The following PLA2R1 variants were observed in gnomAD, a reference collection of about 807,000 sequenced individuals.
PLA2R1 encodes the protein phospholipase A2 receptor 1.
In PLA2R1, 158 loss-of-function variants were observed where a neutral mutation model predicts 195.9. The ratio of observed to expected loss-of-function variants is 0.81; its 90% CI spans 0.71 to 0.92. The LOEUF (loss-of-function observed/expected upper bound fraction) is 0.92, where lower values mean the gene tolerates loss of function less well. Among genes scored for constraint, PLA2R1 ranks in the 40% least tolerant of loss-of-function variants. The probability of loss-of-function intolerance (pLI) is 0.00; values close to 1 mark genes in which losing one functional copy is unlikely to be tolerated. For synonymous variants in PLA2R1, 586 were observed against 598.2 expected (o/e 0.98, Z 0.30); for missense variants, 1,626 against 1,764.6 (o/e 0.92, Z 1.41).
chr2:159,933,012 T>G lies in PLA2R1; in HGVS notation c.*8766A>C, dbSNP rs1686654113. 1 of 140,886 alleles carries G rather than the reference T, an allele frequency of 7.1e-6. No homozygotes were observed. The highest frequency in any genetic ancestry group is 1.6e-5 in the Non-Finnish European group (1 of 63,630). The allele number at this position is 140,886 out of a possible 1,614,324, so 8.7% of individuals were successfully genotyped here. A position where few individuals can be genotyped will look rare whatever the true frequency, so the allele number is the denominator to read the frequency against. On this transcript the variant is annotated 3_prime_UTR_variant, in exon 30 of 30. Coordinates refer to ENST00000283243, the MANE Select transcript of PLA2R1 (RefSeq NM_007366.5). ...AGATCATGATGTCTTTTTTTTTTTT[T>G]GAAGAAAAAAGATGGTATTGCTATT...
intron 11 of PLA2R1, among the ~76,000 whole-genome samples, chr2:160,001,340 A>G (rs899022650): frequency 1.2e-4 from 18 of 152,094 alleles, no homozygotes; most frequent in African/African-American, 4.3e-4. Flanking sequence ...AGGGGAAAGA[A>G]TGAAATGAGA....
intron 14 of PLA2R1, among the ~76,000 whole-genome samples, chr2:159,978,736 G>GA (rs2105284086): frequency 6.6e-6 from 1 of 152,132 alleles, no homozygotes; most frequent in East Asian, 1.9e-4. Flanking sequence ...TTCTTTATCA[G>GA]AAAAATGGAT....
intron 9 of PLA2R1, among the ~76,000 whole-genome samples, chr2:160,014,010 A>T (rs566562473): frequency 1.3e-5 from 2 of 152,262 alleles, no homozygotes; most frequent in East Asian, 3.9e-4. Context: ...ATGAACAAAG[A>T]GAATATATGT....
chr2:160,026,622 A>T (rs1032969783), intron 6 of PLA2R1, among the ~76,000 whole-genome samples: 6 of 152,116 alleles, frequency 3.9e-5, no homozygotes. Context: ...TGGCATTTTT[A>T]CCTTATTTTA....
intron 11 of PLA2R1, among the ~76,000 whole-genome samples, chr2:159,996,120 T>C (rs1006577705): frequency 2.0e-5 from 3 of 152,176 alleles, no homozygotes; most frequent in African/African-American, 4.8e-5. Flanking sequence ...TCATTTATTC[T>C]CTGATGCTCC....
chr2:160,021,218 G>T (rs1693087873), intron 7 of PLA2R1, among the ~76,000 whole-genome samples: 1 of 152,062 alleles, frequency 6.6e-6, no homozygotes, highest in Non-Finnish European at 1.5e-5. Context: ...ACAGTACTGG[G>T]ATTACTCAAA....
Position 160,062,531 on chromosome 2 carries a change from C to G in PLA2R1, c.-128G>C. On this transcript the variant is annotated 5_prime_UTR_variant, in exon 1 of 30. Coordinates refer to ENST00000283243, the MANE Select transcript of PLA2R1 (RefSeq NM_007366.5). ...ATCCGTAGCCTCCTCCGCGCCCCACCCCCTCCGGGGGCCTTGCCAGCCCAG... is the reference window on the plus strand; with the variant it reads ...ATCCGTAGCCTCCTCCGCGCCCCACGCCCTCCGGGGGCCTTGCCAGCCCAG... 5.7e-6 allele frequency: 7 copies of G among 1,237,464 alleles called. No homozygotes were observed. Among genetic ancestry groups the G allele is most frequent in the Non-Finnish European group, 6.9e-6 (7 of 1,007,552 alleles). 76.7% of individuals were successfully genotyped at this position (1,237,464 alleles called of 1,614,324 possible).
Position 159,982,570 on chromosome 2 carries a change from T to C in PLA2R1, c.2183+1358A>G, listed in dbSNP as rs147588553. On this transcript the variant is annotated intron_variant, in intron 13 of 29. Transcript: ENST00000283243. ...GATTGTACATTGTTTTGCAAACATA[T>C]TTGACCATAAAATCTCCTTCCTCCC... 5.7e-3 allele frequency among the ~76,000 whole-genome samples: 866 copies of C among 152,360 alleles called. 6 individuals are homozygous for C. Among genetic ancestry groups the C allele is most frequent in the Non-Finnish European group, 8.9e-3 (606 of 68,032 alleles).
chr2:160,018,657 CAAACAAACA>C (rs1692916410), intron 8 of PLA2R1, among the ~76,000 whole-genome samples: 1 of 151,886 alleles, frequency 6.6e-6, no homozygotes, highest in Non-Finnish European at 1.5e-5. Context: ...AACAAACAAA[CAAACAAACA>C]AACATTGTGG....
At chr2:159,968,282 T>C (rs1386840873) in intron 19 of PLA2R1, among the ~76,000 whole-genome samples, 1 of 151,964 alleles carries the variant, frequency 6.6e-6, no homozygotes, top group Non-Finnish European at 1.5e-5. Context: ...ATAAGGATTA[T>C]AGAATGCATT....
At chr2:160,005,174 G>C (rs1221077075) in intron 11 of PLA2R1, among the ~76,000 whole-genome samples, 1 of 152,210 alleles carries the variant, frequency 6.6e-6, no homozygotes, top group African/African-American at 2.4e-5. Context: ...TGACCATTGG[G>C]CCAGGCAATT....
chr2:159,927,785 C>T (rs1345367449), downstream of PLA2R1, among the ~76,000 whole-genome samples: 2 of 152,218 alleles, frequency 1.3e-5, no homozygotes, highest in Non-Finnish European at 2.9e-5. Flanking sequence ...CTCTTAACCT[C>T]CTCCTTTCTT....
chr2:159,956,534 C>T lies in PLA2R1; in HGVS notation c.2998G>A (p.Ala1000Thr), dbSNP rs765956283. The change falls in exon 21 of 30, where the codon GCC becomes ACC. Residue 1000 changes from alanine to threonine, a missense_variant. By Grantham distance (58) the Ala-to-Thr change is moderately conservative (BLOSUM62 0). Transcript: ENST00000283243. ...FCAEEGGTLV[A>T]IESEVEQAFI... ...CCTTGCTCCACCTCACTTTCAATGG[C>T]GACCAGGGTCCCCCCTTCTTCAGCA... 1.4e-4 allele frequency: 229 copies of T among 1,610,394 alleles called. No individual in the cohort carries two copies. The highest frequency in any genetic ancestry group is 1.8e-4 in the Non-Finnish European group (208 of 1,176,748).
At chr2:159,967,484 CA>C in intron 20 of PLA2R1, 54 bp downstream of exon 20, 1 of 1,485,814 alleles carries the variant, frequency 6.7e-7, no homozygotes, top group Admixed American at 1.9e-5. Flanking sequence ...GAACACTTTC[CA>C]AAATTAGTGT....
At chr2:160,004,163 C>G (rs1342340706) in intron 11 of PLA2R1, among the ~76,000 whole-genome samples, 1 of 152,198 alleles carries the variant, frequency 6.6e-6, no homozygotes, top group South Asian at 2.1e-4. Flanking sequence ...ACTTAGCACA[C>G]TTCTCTATAA....
chr2:159,960,485 G>A (rs1011432330), intron 20 of PLA2R1, among the ~76,000 whole-genome samples: 1 of 152,042 alleles, frequency 6.6e-6, no homozygotes, highest in African/African-American at 2.4e-5. Context: ...TCCAAAAAGA[G>A]GTGAGAGTAT....
Position 160,042,030 on chromosome 2 carries a change from T to A in PLA2R1, c.662A>T (p.Asp221Val). The A allele has an allele frequency of 4.3e-6, 7 of 1,612,294 alleles. No homozygotes were observed. Among genetic ancestry groups the A allele is most frequent in the Non-Finnish European group, 5.9e-6 (7 of 1,178,450 alleles). ...AAGACAAAATTTATTCTTACTGGGA[T>A]CAGGGCAAAATCCCCACTTTTCATC... is the stretch of plus-strand genomic sequence containing the variant. ...ERDEKWGFCP[D>V]PTSAEVGCDT... The change falls in exon 3 of 30, where the codon GAT becomes GTT. Residue 221 changes from aspartate (D) to valine (V), a missense_variant. Transcript: ENST00000283243.
chr2:160,053,719 G>T (rs181672324), intron 1 of PLA2R1, among the ~76,000 whole-genome samples: 2 of 152,364 alleles, frequency 1.3e-5, no homozygotes, highest in East Asian at 3.8e-4. Flanking sequence ...TTGCCACTGT[G>T]TGCAGCAGGC....
intron 13 of PLA2R1, among the ~76,000 whole-genome samples, chr2:159,981,945 C>T (rs1022475596): frequency 2.0e-5 from 3 of 152,102 alleles, no homozygotes; most frequent in African/African-American, 7.2e-5. Context: ...TCCCAAAGTG[C>T]TGTGACCCAC....
Sources: gnomAD v4.1 joint callset for allele counts (sites outside exome capture counted in the v4.1 genomes callset) on GRCh38, gnomAD v4.1.1 for gene constraint, MANE v1.5 for transcripts, NCBI Gene and HGNC (gene_info 2026-07-23, HGNC 2026-07-21) for gene names.